Variants in NXPE4 observed in about 807,000 individuals in gnomAD.
The protein encoded by NXPE4 is NXPE family member 4.
Under a neutral mutation model 33.3 loss-of-function variants are expected in NXPE4, and 42 were observed. The observed-to-expected ratio is 1.26, with a 90% CI of 0.98 to 1.63. NXPE4 has a LOEUF of 1.63. Ranked by LOEUF, NXPE4 falls within the 40% of genes most tolerant of loss-of-function variation. The pLI is 0.00. For missense variants in NXPE4, 709 were observed against 647.6 expected, an observed-to-expected ratio of 1.09 and a Z score of -1.03; for synonymous variants, 253 against 234.9, an observed-to-expected ratio of 1.08 and a Z score of -0.71.
chr11:114,671,602 A>G, the NXPE4 span, among the ~76,000 whole-genome samples: 1 of 152,042 alleles, frequency 6.6e-6, no homozygotes, highest in South Asian at 2.1e-4. Flanking sequence ...TTTTCTTTAG[A>G]AACAGTGGCA....
At chr11:114,618,918 G>T in the NXPE4 span, among the ~76,000 whole-genome samples, 1 of 152,036 alleles carries the variant, frequency 6.6e-6, no homozygotes, top group African/African-American at 2.4e-5. Context: ...ACTGTCTCAT[G>T]GGTAATCACT....
chr11:114,666,507 T>C, the NXPE4 span, among the ~76,000 whole-genome samples: 1 of 152,288 alleles, frequency 6.6e-6, no homozygotes, highest in East Asian at 1.9e-4. Context: ...ATATGAACTT[T>C]CAAAGAAAAG....
the NXPE4 span, among the ~76,000 whole-genome samples, chr11:114,644,298 A>C: frequency 6.6e-6 from 1 of 152,166 alleles, no homozygotes; most frequent in Admixed American, 6.5e-5. Flanking sequence ...TACGTTGAAT[A>C]GGAGTGGTAA....
the NXPE4 span, among the ~76,000 whole-genome samples, chr11:114,601,490 T>C: frequency 0.013 from 1,363 of 108,426 alleles, 25 homozygotes; most frequent in African/African-American, 0.045. Context: ...ATTAAATATT[T>C]ATTATATAGT....
chr11:114,662,819 G>A, the NXPE4 span, among the ~76,000 whole-genome samples: 1 of 152,090 alleles, frequency 6.6e-6, no homozygotes, highest in African/African-American at 2.4e-5. Flanking sequence ...CTGCTGCCTC[G>A]AAGGAAAGGA....
chr11:114,601,624 AT>A, the NXPE4 span, among the ~76,000 whole-genome samples: 10 of 50,646 alleles, frequency 2.0e-4, 1 homozygote, highest in South Asian at 5.9e-4. Context: ...TATATATTAT[AT>A]ATTATTTATA....
chr11:114,606,504 G>T, the NXPE4 span, among the ~76,000 whole-genome samples: 1 of 151,438 alleles, frequency 6.6e-6, no homozygotes, highest in Non-Finnish European at 1.5e-5. Context: ...AATAAGTGTT[G>T]CCTCTAGGGT....
intron 2 of NXPE4, 104 bp from the exon 3 acceptor site, chr11:114,583,125 AT>A: frequency 1.6e-6 from 2 of 1,233,340 alleles, no homozygotes; most frequent in Non-Finnish European, 2.3e-6. Context: ...GTTCCTAGTC[AT>A]TTTTACTTAT....
chr11:114,651,156 C>T, the NXPE4 span, among the ~76,000 whole-genome samples: 7 of 152,130 alleles, frequency 4.6e-5, no homozygotes, highest in African/African-American at 1.2e-4. Flanking sequence ...TTCTTGGTCT[C>T]GCTTACTTCA....
the NXPE4 span, among the ~76,000 whole-genome samples, chr11:114,630,900 GC>G: frequency 4.2e-4 from 64 of 151,826 alleles, 3 homozygotes; most frequent in East Asian, 9.3e-3. Flanking sequence ...AGACATTTAT[GC>G]AGCCAAAAAA....
the NXPE4 span, among the ~76,000 whole-genome samples, chr11:114,622,657 T>C: frequency 1.4e-4 from 21 of 152,200 alleles, no homozygotes; most frequent in South Asian, 3.5e-3. Context: ...GGGTAACCAG[T>C]GTTACCCGGT....
chr11:114,614,184 G>T, the NXPE4 span, among the ~76,000 whole-genome samples: 1 of 147,872 alleles, frequency 6.8e-6, no homozygotes, highest in Non-Finnish European at 1.5e-5. Flanking sequence ...TAATAAGAGG[G>T]ATATTATCCA....
At chr11:114,673,978 T>C in the NXPE4 span, among the ~76,000 whole-genome samples, 2 of 151,842 alleles carry the variant, frequency 1.3e-5, no homozygotes, top group African/African-American at 2.4e-5. Context: ...TCTTCACAAG[T>C]ACAGGATAAA....
chr11:114,631,697 G>T, the NXPE4 span, among the ~76,000 whole-genome samples: 1 of 151,326 alleles, frequency 6.6e-6, no homozygotes, highest in Non-Finnish European at 1.5e-5. Context: ...TTGCCTCGTG[G>T]GTAACCACTG....
At chr11:114,640,780 T>G in the NXPE4 span, among the ~76,000 whole-genome samples, 1 of 152,046 alleles carries the variant, frequency 6.6e-6, no homozygotes, top group Non-Finnish European at 1.5e-5. Flanking sequence ...TCCATGTAAT[T>G]TACTCACTTT....
the NXPE4 span, among the ~76,000 whole-genome samples, chr11:114,672,123 C>T: frequency 1.3e-5 from 2 of 151,916 alleles, no homozygotes; most frequent in African/African-American, 4.8e-5. Flanking sequence ...AGTACAAGAA[C>T]AGCAAGGGGG....
the NXPE4 span, among the ~76,000 whole-genome samples, chr11:114,630,786 TTAA>T: frequency 6.6e-6 from 1 of 150,848 alleles, no homozygotes; most frequent in African/African-American, 2.5e-5. Context: ...TGATAAAGGG[TTAA>T]TATCCAGAAT....
chr11:114,624,215 T>G, the NXPE4 span, among the ~76,000 whole-genome samples: 157 of 152,166 alleles, frequency 1.0e-3, 1 homozygote, highest in Non-Finnish European at 1.8e-3. Flanking sequence ...TGTTACCTGG[T>G]GGATGACAGA....
chr11:114,596,386 G>A (rs976515348), upstream of NXPE4, among the ~76,000 whole-genome samples: 2 of 152,194 alleles, frequency 1.3e-5, no homozygotes, highest in Admixed American at 1.3e-4. Context: ...TGCTGGCCCT[G>A]TGGCTCCGTC....
Sources: gnomAD v4.1 joint callset for allele counts (sites outside exome capture counted in the v4.1 genomes callset) on GRCh38, gnomAD v4.1.1 for gene constraint, MANE v1.5 for transcripts, NCBI Gene and HGNC (gene_info 2026-07-23, HGNC 2026-07-21) for gene names.